The following CFHR2 variants were observed in gnomAD, a reference collection of about 807,000 sequenced individuals.
CFHR2 encodes complement factor H-related protein 2.
A neutral mutation model predicts 21.7 loss-of-function variants in CFHR2; 22 were observed. The observed-to-expected ratio is 1.01, with a 90% CI of 0.72 to 1.45. The LOEUF (loss-of-function observed/expected upper bound fraction) is 1.45, where lower values mean the gene tolerates loss of function less well. Among genes scored for constraint, CFHR2 ranks in the 40% most tolerant of loss-of-function variants. CFHR2 has a pLI of 0.00. For synonymous variants in CFHR2, 98 were observed against 97.4 expected, an observed-to-expected ratio of 1.01 and a Z score of -0.04; for missense variants, 294 against 293.3, an observed-to-expected ratio of 1.00 and a Z score of -0.02.
chr1:196,946,567 C>A (rs1459691692), intron 1 of CFHR2, among the ~76,000 whole-genome samples: 4 of 151,888 alleles, frequency 2.6e-5, no homozygotes, highest in African/African-American at 7.3e-5. Flanking sequence ...CTTTTTAAAC[C>A]TTTTTGTTAA....
At chr1:196,953,511 A>G (rs937926328) in intron 3 of CFHR2, among the ~76,000 whole-genome samples, 1 of 152,104 alleles carries the variant, frequency 6.6e-6, no homozygotes, top group African/African-American at 2.4e-5. Flanking sequence ...TCCAACTCCC[A>G]ACCTCAGGCG....
chr1:196,954,686 A>T (rs901715656), intron 3 of CFHR2, among the ~76,000 whole-genome samples: 1 of 151,718 alleles, frequency 6.6e-6, no homozygotes, highest in Admixed American at 6.6e-5. Flanking sequence ...CCAAAAAAAA[A>T]CCTCAAATCT....
intron 3 of CFHR2, among the ~76,000 whole-genome samples, chr1:196,951,330 A>G (rs1487890234): frequency 6.6e-6 from 1 of 152,238 alleles, no homozygotes; most frequent in East Asian, 1.9e-4. Context: ...TTGACAAGAA[A>G]TGGTTACAAA....
In CFHR2 at chr1:196,950,889, T is replaced by A; in HGVS notation, c.291T>A (p.Ser97=). Residue 97 remains serine (S), a synonymous_variant, in exon 3 of 5, where the codon TCT becomes TCA. Coordinates refer to ENST00000367415, the MANE Select transcript of CFHR2 (RefSeq NM_005666.4). ...TTCCTTTTGTGGAAAATGGTCATTCTGAATCTTCAGGACAAACACATCTGG... is the reference window on the plus strand; with the variant it reads ...TTCCTTTTGTGGAAAATGGTCATTCAGAATCTTCAGGACAAACACATCTGG... The part of the protein sequence containing the change: ...CFFPFVENGH[S]ESSGQTHLEG... The A allele has an allele frequency of 1.9e-6, 3 of 1,613,926 alleles. No individual in the cohort carries two copies. Among genetic ancestry groups the A allele is most frequent in the Non-Finnish European group, 2.5e-6 (3 of 1,179,918 alleles).
chr1:196,947,648 C>T (rs1204033069), intron 1 of CFHR2, among the ~76,000 whole-genome samples: 2 of 152,148 alleles, frequency 1.3e-5, no homozygotes, highest in Non-Finnish European at 2.9e-5. Context: ...GTTGATTTGT[C>T]AGCTTAATTT....
rs563217047 is a variant in CFHR2, at chr1:196,954,532, G to A, written c.431-3359G>A. Among the ~76,000 whole-genome samples, 4 of 152,284 alleles carry A rather than the reference G, an allele frequency of 2.6e-5. No individual in the cohort carries two copies. In the South Asian group the frequency reaches 8.3e-4, roughly 32 times the overall value. On this transcript the variant is annotated intron_variant, in intron 3 of 4. Coordinates refer to ENST00000367415, the MANE Select transcript of CFHR2 (RefSeq NM_005666.4). ...TGCCTCAGTGGTGACTCTGTGTGGG[G>A]GTTCCAACCCTACATTTCCCTTCCA...
At position 196,959,537 on chromosome 1, in the gene CFHR2, T is replaced by G. The variant is rs1653035885; in HGVS notation, c.*457T>G. On this transcript the variant is annotated 3_prime_UTR_variant, in exon 5 of 5. Transcript: ENST00000367415. ...ACGTTACCCCAGGTATCTTGAAATGTCAATTCCTAACAGTCACAGCCTGGG... is the reference window on the plus strand; with the variant it reads ...ACGTTACCCCAGGTATCTTGAAATGGCAATTCCTAACAGTCACAGCCTGGG... Among the ~76,000 whole-genome samples the G allele has an allele frequency of 6.6e-6, 1 of 152,074 alleles. No individual in the cohort carries two copies. The highest frequency in any genetic ancestry group is 1.5e-5 in the Non-Finnish European group (1 of 67,946).
At chr1:196,951,128 C>A in intron 3 of CFHR2, 100 bp downstream of exon 3, 1 of 1,328,802 alleles carries the variant, frequency 7.5e-7, no homozygotes, top group Non-Finnish European at 1.0e-6. Flanking sequence ...ATAGGTTTTG[C>A]CACATACTTC....
chr1:196,951,222 T>G (rs548634081), intron 3 of CFHR2, among the ~76,000 whole-genome samples, 194 bp downstream of exon 3: 1 of 152,192 alleles, frequency 6.6e-6, no homozygotes, highest in African/African-American at 2.4e-5. Flanking sequence ...ATAAATCAAA[T>G]ATATGTGATA....
chr1:196,955,439 A>G (rs556568406), intron 3 of CFHR2, among the ~76,000 whole-genome samples: 2 of 152,298 alleles, frequency 1.3e-5, no homozygotes, highest in South Asian at 4.1e-4. Context: ...ACCCAGTTCC[A>G]AAGTCACTTC....
At chr1:196,946,723 G>A (rs909884755) in intron 1 of CFHR2, among the ~76,000 whole-genome samples, 1 of 152,084 alleles carries the variant, frequency 6.6e-6, no homozygotes, top group African/African-American at 2.4e-5. Context: ...GATAACAAAG[G>A]TTTCTTCTGG....
chr1:196,957,220 A>T (rs1485196431), intron 3 of CFHR2, among the ~76,000 whole-genome samples: 1 of 152,040 alleles, frequency 6.6e-6, no homozygotes, highest in African/African-American at 2.4e-5. Flanking sequence ...CCAGTGTCCT[A>T]TCCAGGATAC....
chr1:196,954,232 A>G (rs1310658550), intron 3 of CFHR2, among the ~76,000 whole-genome samples: 1 of 152,304 alleles, frequency 6.6e-6, no homozygotes, highest in African/African-American at 2.4e-5. Context: ...CAAGTTCAAA[A>G]CCCAGCAGGG....
At chr1:196,957,261 C>T (rs1652922597) in intron 3 of CFHR2, among the ~76,000 whole-genome samples, 2 of 152,142 alleles carry the variant, frequency 1.3e-5, no homozygotes, top group South Asian at 2.1e-4. Context: ...CCACATGACA[C>T]CCTGCTGTGT....
chr1:196,957,005 T>G (rs1652910717), intron 3 of CFHR2, among the ~76,000 whole-genome samples: 1 of 152,198 alleles, frequency 6.6e-6, no homozygotes, highest in African/African-American at 2.4e-5. Flanking sequence ...TCTAGGTTCC[T>G]CAGTTGACCT....
intron 1 of CFHR2, among the ~76,000 whole-genome samples, chr1:196,945,960 T>C (rs1659466468): frequency 6.6e-6 from 1 of 151,816 alleles, no homozygotes; most frequent in South Asian, 2.1e-4. Context: ...AGCCTGTCGC[T>C]CCTAGGCTGC....
rs371515876 is a variant in CFHR2, at chr1:196,944,782, T to C, written c.58+844T>C. On this transcript the variant is annotated intron_variant, in intron 1 of 4. Transcript: ENST00000367415. ...GAACTTTTATTTGAACAGTTTCTCA[T>C]CAGTCCTGACATAACAGAACAACAT... Among the ~76,000 whole-genome samples the C allele has an allele frequency of 4.6e-5, 7 of 151,990 alleles. No individual in the cohort carries two copies. The East Asian group carries it at 1.2e-3, about 25-fold the overall frequency.
At chr1:196,950,133 C>T (rs1408878222) in intron 2 of CFHR2, among the ~76,000 whole-genome samples, 1 of 151,942 alleles carries the variant, frequency 6.6e-6, no homozygotes, top group Non-Finnish European at 1.5e-5. Context: ...CCAATGATAA[C>T]AGGTATATTA....
chr1:196,955,179 C>A (rs759419630), intron 3 of CFHR2, among the ~76,000 whole-genome samples: 3 of 152,156 alleles, frequency 2.0e-5, no homozygotes, highest in Non-Finnish European at 2.9e-5. Context: ...CTTCAAAGTT[C>A]CACACATCTT....
Sources: gnomAD v4.1 joint callset for allele counts (sites outside exome capture counted in the v4.1 genomes callset) on GRCh38, gnomAD v4.1.1 for gene constraint, MANE v1.5 for transcripts, NCBI Gene and HGNC (gene_info 2026-07-23, HGNC 2026-07-21) for gene names.